PTPRK: variants seen among roughly 807,000 people sequenced by gnomAD.
PTPRK encodes receptor-type tyrosine-protein phosphatase kappa.
A neutral mutation model predicts 178.0 loss-of-function variants in PTPRK; 75 were observed. The ratio of observed to expected loss-of-function variants is 0.42; its 90% CI spans 0.35 to 0.51. The LOEUF (loss-of-function observed/expected upper bound fraction) is 0.51. Among genes scored for constraint, PTPRK ranks in the 20% least tolerant of loss-of-function variants. PTPRK has a pLI of 0.02. For synonymous variants in PTPRK, 637 were observed against 620.6 expected (o/e 1.03, Z -0.39); for missense variants, 1,441 against 1,797.8 (o/e 0.80, Z 3.59).
intron 7 of PTPRK, among the ~76,000 whole-genome samples, chr6:128,122,655 T>A (rs1792671206): frequency 1.3e-5 from 2 of 152,230 alleles, no homozygotes; most frequent in South Asian, 4.1e-4. Flanking sequence ...ACCAGCTGTA[T>A]GACTTTAGGC....
At chr6:128,238,185 C>CAAAAAAAAAAAAAAAAAAGAA in intron 5 of PTPRK, 3 of 203,780 alleles carry the variant, frequency 1.5e-5, no homozygotes, top group South Asian at 2.9e-5. Context: ...TAGCAAACGC[C>CAAAAAAAAAAAAAAAAAAGAA]AAAAAAAAAA....
intron 1 of PTPRK, among the ~76,000 whole-genome samples, chr6:128,506,695 A>G (rs1296070458): frequency 2.7e-5 from 4 of 150,780 alleles, no homozygotes; most frequent in African/African-American, 2.4e-5. Flanking sequence ...ATTATAAGTC[A>G]CTGTAACCTC....
At chr6:128,375,361 G>A (rs1836912672) in intron 2 of PTPRK, among the ~76,000 whole-genome samples, 1 of 151,768 alleles carries the variant, frequency 6.6e-6, no homozygotes, top group African/African-American at 2.4e-5. Context: ...TGTCTTACAT[G>A]GATGGCAGCA....
intron 6 of PTPRK, among the ~76,000 whole-genome samples, chr6:128,202,385 A>G (rs1339581741): frequency 1.3e-5 from 2 of 152,312 alleles, no homozygotes; most frequent in East Asian, 3.9e-4. Flanking sequence ...CCTTGGGTCC[A>G]ATACACAGAG....
intron 6 of PTPRK, among the ~76,000 whole-genome samples, chr6:128,188,857 A>G (rs1018280225): frequency 6.6e-6 from 1 of 152,174 alleles, no homozygotes; most frequent in Non-Finnish European, 1.5e-5. Context: ...TCCTGTCTGT[A>G]GTCAAATCTC....
At chr6:128,510,877 C>T (rs1315455933) in intron 1 of PTPRK, among the ~76,000 whole-genome samples, 1 of 151,652 alleles carries the variant, frequency 6.6e-6, no homozygotes, top group Non-Finnish European at 1.5e-5. Flanking sequence ...ATATAGTATA[C>T]ATTAATATAT....
At chr6:128,258,436 T>C (rs1024332074) in intron 3 of PTPRK, among the ~76,000 whole-genome samples, 1 of 152,128 alleles carries the variant, frequency 6.6e-6, no homozygotes, top group African/African-American at 2.4e-5. Flanking sequence ...TAGAGATAAC[T>C]GACCAGAAAA....
chr6:127,978,959 T>C lies in PTPRK; in HGVS notation c.3712-1905A>G, dbSNP rs139723231. ...TTCTCCAACGGTTCATTTGCACTAC[T>C]AAATCCCCAGAACAGCTTTAACTAT... is the stretch of plus-strand genomic sequence containing the variant. On this transcript the variant is annotated intron_variant, in intron 25 of 29. Transcript: ENST00000368226. 4.3e-4 allele frequency among the ~76,000 whole-genome samples: 65 copies of C among 152,340 alleles called. No homozygotes were observed. The East Asian group carries it at 0.011, about 25-fold the overall frequency.
chr6:128,238,185 CAAAAAAAA>C (rs58051125), intron 5 of PTPRK: 3 of 206,502 alleles, frequency 1.5e-5, no homozygotes, highest in Admixed American at 9.2e-5. Flanking sequence ...TAGCAAACGC[CAAAAAAAA>C]AAAAAAAAAG....
At chr6:128,019,417 T>C (rs1368051810) in intron 13 of PTPRK, among the ~76,000 whole-genome samples, 1 of 151,912 alleles carries the variant, frequency 6.6e-6, no homozygotes, top group Admixed American at 6.6e-5. Flanking sequence ...GCTGGGGAGA[T>C]ATAAATACAC....
intron 1 of PTPRK, among the ~76,000 whole-genome samples, chr6:128,457,083 G>C (rs1234088765): frequency 5.3e-5 from 8 of 152,008 alleles, no homozygotes; most frequent in Admixed American, 5.3e-4. Flanking sequence ...CATTATGACT[G>C]TACCATAGGA....
chr6:128,119,562 A>C (rs1792117084), intron 7 of PTPRK, among the ~76,000 whole-genome samples: 1 of 152,060 alleles, frequency 6.6e-6, no homozygotes, highest in South Asian at 2.1e-4. Context: ...AGTTATTTCC[A>C]GGAATAAGCT....
chr6:128,030,487 C>T (rs534045116), intron 13 of PTPRK, among the ~76,000 whole-genome samples: 14 of 152,320 alleles, frequency 9.2e-5, no homozygotes, highest in South Asian at 2.1e-4. Flanking sequence ...TATCTGTAGA[C>T]GGTCCTTAAA....
intron 3 of PTPRK, among the ~76,000 whole-genome samples, chr6:128,307,345 T>C (rs1826562111): frequency 6.6e-6 from 1 of 150,554 alleles, no homozygotes; most frequent in Admixed American, 6.6e-5. Flanking sequence ...CCCAAAGTCA[T>C]CAAATATTTA....
At chr6:128,110,833 T>G (rs1267255946) in intron 7 of PTPRK, among the ~76,000 whole-genome samples, 1 of 152,144 alleles carries the variant, frequency 6.6e-6, no homozygotes, top group Non-Finnish European at 1.5e-5. Flanking sequence ...GGAAACAAGC[T>G]CACATGGGTT....
intron 1 of PTPRK, among the ~76,000 whole-genome samples, chr6:128,434,235 C>T (rs1024023966): frequency 5.9e-5 from 9 of 152,092 alleles, no homozygotes; most frequent in African/African-American, 2.2e-4. Flanking sequence ...GGTAGATATA[C>T]AAATAACATG....
intron 6 of PTPRK, among the ~76,000 whole-genome samples, chr6:128,199,068 T>A (rs986289192): frequency 6.6e-6 from 1 of 152,190 alleles, no homozygotes; most frequent in Non-Finnish European, 1.5e-5. Flanking sequence ...CAGTACCTCC[T>A]TGAGCTGAAA....
chr6:128,491,813 C>A, intron 1 of PTPRK: 1 of 517,302 alleles, frequency 1.9e-6, no homozygotes. Flanking sequence ...AGCAGCAGAA[C>A]AACAGCAGCA....
At chr6:128,191,319 G>A (rs749966913) in intron 6 of PTPRK, among the ~76,000 whole-genome samples, 2 of 152,010 alleles carry the variant, frequency 1.3e-5, no homozygotes, top group Admixed American at 6.6e-5. Context: ...CAAATACTGC[G>A]TGATCTCACT....
Sources: allele counts gnomAD v4.1 joint callset (sites outside exome capture counted in the v4.1 genomes callset), GRCh38; gene constraint gnomAD v4.1.1; transcripts MANE v1.5; gene names NCBI Gene and HGNC (gene_info 2026-07-23, HGNC 2026-07-21).